Variants in GRIN2B observed in about 807,000 individuals in gnomAD.
GRIN2B encodes glutamate receptor ionotropic, NMDA 2B.
GRIN2B carries 5 observed loss-of-function variants against 114.5 expected under a neutral mutation model. The ratio of observed to expected loss-of-function variants is 0.04; its 90% CI spans 0.02 to 0.09. The LOEUF (loss-of-function observed/expected upper bound fraction) is 0.09. Among genes scored for constraint, GRIN2B ranks in the 10% least tolerant of loss-of-function variants. The pLI is 1.00. For missense variants in GRIN2B, 1,108 were observed against 1,943.5 expected, an observed-to-expected ratio of 0.57 and a Z score of 8.08; for synonymous variants, 787 against 745.1, an observed-to-expected ratio of 1.06 and a Z score of -0.92.
intron 5 of GRIN2B, among the ~76,000 whole-genome samples, chr12:13,660,925 G>A (rs1949916052): frequency 1.3e-5 from 2 of 152,014 alleles, no homozygotes; most frequent in South Asian, 4.1e-4. Flanking sequence ...AGTTTAATCA[G>A]TATAGCATGA....
chr12:13,967,997 C>A (rs953997504), intron 2 of GRIN2B, among the ~76,000 whole-genome samples: 2 of 152,198 alleles, frequency 1.3e-5, no homozygotes, highest in Non-Finnish European at 2.9e-5. Context: ...CAGTTTCACA[C>A]ATAAAGCTAG....
chr12:13,801,097 A>C (rs1864503294), intron 3 of GRIN2B, among the ~76,000 whole-genome samples: 1 of 152,166 alleles, frequency 6.6e-6, no homozygotes. Flanking sequence ...CAGTAGGCAA[A>C]CAATACGTAC....
chr12:13,743,849 GT>G (rs1863326532), intron 4 of GRIN2B, among the ~76,000 whole-genome samples: 1 of 151,970 alleles, frequency 6.6e-6, no homozygotes, highest in African/African-American at 2.4e-5. Flanking sequence ...TGATAATTGG[GT>G]TTTTTGTCTA....
At chr12:13,606,749 T>A (rs1392670234) in intron 10 of GRIN2B, among the ~76,000 whole-genome samples, 1 of 152,034 alleles carries the variant, frequency 6.6e-6, no homozygotes, top group African/African-American at 2.4e-5. Flanking sequence ...GGTGTGCAAC[T>A]CAGATTTTAG....
chr12:13,958,376 A>G (rs1867630296), intron 2 of GRIN2B, among the ~76,000 whole-genome samples: 1 of 152,202 alleles, frequency 6.6e-6, no homozygotes, highest in South Asian at 2.1e-4. Context: ...AGCAAGTCAC[A>G]TGAGCTGCCC....
intron 2 of GRIN2B, among the ~76,000 whole-genome samples, chr12:13,945,596 T>G (rs1867349735): frequency 6.6e-6 from 1 of 152,274 alleles, no homozygotes; most frequent in Non-Finnish European, 1.5e-5. Context: ...AGCCTTTTCA[T>G]AGAGCACAGT....
intron 4 of GRIN2B, among the ~76,000 whole-genome samples, chr12:13,740,921 G>A (rs181656493): frequency 2.0e-4 from 31 of 152,338 alleles, no homozygotes; most frequent in African/African-American, 6.3e-4. Context: ...AGCAGGTTCA[G>A]TGTGGGAAGT....
chr12:13,786,245 A>T (rs1256348689), intron 3 of GRIN2B, among the ~76,000 whole-genome samples: 1 of 152,186 alleles, frequency 6.6e-6, no homozygotes, highest in African/African-American at 2.4e-5. Flanking sequence ...TAGAGGGAGA[A>T]ATTAAGCCTA....
rs572161874 is a variant in GRIN2B at position 13,675,239 on chromosome 12, T to C, written c.1125+506A>G. Among the ~76,000 whole-genome samples the C allele has an allele frequency of 3.9e-5, 6 of 152,224 alleles. No individual in the cohort carries two copies. In the South Asian group the frequency reaches 1.2e-3, roughly 32 times the overall value. ...AGAGCTGGGAATTGGACCTAGACAG[T>C]CTGGTGCCCACAGAAATTAATTTCT... On this transcript the variant is annotated intron_variant, in intron 5 of 13. Coordinates refer to ENST00000609686, the MANE Select transcript of GRIN2B (RefSeq NM_000834.5).
intron 3 of GRIN2B, among the ~76,000 whole-genome samples, chr12:13,774,228 T>C (rs1478270860): frequency 6.6e-6 from 1 of 152,170 alleles, no homozygotes; most frequent in African/African-American, 2.4e-5. Flanking sequence ...CCAGTACAAA[T>C]GGGTGCAAAA....
chr12:13,775,019 C>G lies in GRIN2B; in HGVS notation c.412-21104G>C, dbSNP rs77588542. On this transcript the variant is annotated intron_variant, in intron 3 of 13. Coordinates refer to ENST00000609686, the MANE Select transcript of GRIN2B (RefSeq NM_000834.5). Reference sequence around the variant, plus strand: ...GATGATGATGATGCTGGTGCTGCCGCTGGTGATGATTATTACCAGGCATTC... The same window carrying G: ...GATGATGATGATGCTGGTGCTGCCGGTGGTGATGATTATTACCAGGCATTC... 7.5e-3 allele frequency among the ~76,000 whole-genome samples: 1,149 copies of G among 152,208 alleles called. 19 individuals carry two copies. Among genetic ancestry groups the G allele is most frequent in the African/African-American group, 0.026 (1,079 of 41,532 alleles).
At chr12:13,791,393 A>C (rs1864317696) in intron 3 of GRIN2B, among the ~76,000 whole-genome samples, 1 of 150,192 alleles carries the variant, frequency 6.7e-6, no homozygotes, top group Non-Finnish European at 1.5e-5. Context: ...CGGAGCTTGC[A>C]GTGAGCCGAG....
intron 5 of GRIN2B, among the ~76,000 whole-genome samples, chr12:13,636,113 G>A (rs1949663599): frequency 6.6e-6 from 1 of 152,210 alleles, no homozygotes; most frequent in Non-Finnish European, 1.5e-5. Context: ...GAGGTGACAT[G>A]TGAGCAGAGG....
At chr12:13,688,964 A>T (rs1950192572) in intron 4 of GRIN2B, among the ~76,000 whole-genome samples, 1 of 152,174 alleles carries the variant, frequency 6.6e-6, no homozygotes, top group East Asian at 1.9e-4. Context: ...CTTTCTGTCT[A>T]GATACTACCA....
intron 4 of GRIN2B, among the ~76,000 whole-genome samples, chr12:13,746,698 C>T (rs955186135): frequency 6.6e-6 from 1 of 152,184 alleles, no homozygotes; most frequent in Non-Finnish European, 1.5e-5. Flanking sequence ...GAGATTGAGC[C>T]AGTGGGAGGT....
At chr12:13,822,485 A>C (rs1305279605) in intron 3 of GRIN2B, among the ~76,000 whole-genome samples, 1 of 152,156 alleles carries the variant, frequency 6.6e-6, no homozygotes, top group Admixed American at 6.5e-5. Context: ...CCAATGAAGA[A>C]AGGTAAATAT....
intron 3 of GRIN2B, among the ~76,000 whole-genome samples, chr12:13,857,750 C>A (rs1029387989): frequency 6.6e-6 from 1 of 152,192 alleles, no homozygotes; most frequent in Non-Finnish European, 1.5e-5. Context: ...TCCTTTCCCC[C>A]CTTGTCACCT....
intron 5 of GRIN2B, among the ~76,000 whole-genome samples, chr12:13,655,237 T>C (rs1389379210): frequency 6.6e-6 from 1 of 152,050 alleles, no homozygotes; most frequent in African/African-American, 2.4e-5. Flanking sequence ...CTTCTTTCCA[T>C]GTACAAGAAA....
intron 4 of GRIN2B, among the ~76,000 whole-genome samples, chr12:13,701,517 A>C (rs1004454462): frequency 1.1e-4 from 17 of 148,970 alleles, no homozygotes; most frequent in African/African-American, 4.2e-4. Flanking sequence ...GTGGCACAAA[A>C]AAAAAAAAAA....
Sources: allele counts gnomAD v4.1 joint callset (sites outside exome capture counted in the v4.1 genomes callset), GRCh38; gene constraint gnomAD v4.1.1; transcripts MANE v1.5; gene names NCBI Gene and HGNC (gene_info 2026-07-23, HGNC 2026-07-21).